The following PRMT8 variants were observed in gnomAD, a reference collection of about 807,000 sequenced individuals.
PRMT8 encodes protein arginine methyltransferase 8.
A neutral mutation model predicts 47.1 loss-of-function variants in PRMT8; 7 were observed. The observed-to-expected ratio is 0.15, with a 90% CI of 0.08 to 0.28. The LOEUF (loss-of-function observed/expected upper bound fraction) is 0.28, where lower values mean the gene tolerates loss of function less well. Ranked by LOEUF, PRMT8 falls within the 10% of genes least tolerant of loss-of-function variation. The pLI is 1.00. For synonymous variants in PRMT8, 188 were observed against 186.5 expected, an observed-to-expected ratio of 1.01 and a Z score of -0.07; for missense variants, 237 against 505.4, an observed-to-expected ratio of 0.47 and a Z score of 5.09.
At chr12:3,548,584 ATCTACT>A (rs1211803648) in intron 2 of PRMT8, among the ~76,000 whole-genome samples, 1 of 151,806 alleles carries the variant, frequency 6.6e-6, no homozygotes, top group African/African-American at 2.4e-5. Flanking sequence ...GAAAAAAAAG[ATCTACT>A]TCAGTAACCA....
rs563044695 is a variant in PRMT8, at chr12:3,423,377, G to A, written c.48+41935G>A. Among the ~76,000 whole-genome samples the A allele has an allele frequency of 1.1e-4, 16 of 152,342 alleles. No individual in the cohort carries two copies. In the East Asian group the frequency reaches 1.7e-3, roughly 17 times the overall value. ...TTAGTGATTATTTCTAAGACAGCTT[G>A]TAACCGTATGATTTGGTTGAGCATG... On this transcript the variant is annotated intron_variant, in intron 1 of 9. Transcript: ENST00000452611.
intron 1 of PRMT8, among the ~76,000 whole-genome samples, chr12:3,440,171 C>A (rs1158713200): frequency 2.0e-5 from 3 of 152,148 alleles, no homozygotes; most frequent in East Asian, 3.9e-4. Context: ...TTTTAAAAAA[C>A]CTATCTAGGC....
At chr12:3,421,907 C>T (rs150569188) in intron 1 of PRMT8, among the ~76,000 whole-genome samples, 1 of 152,368 alleles carries the variant, frequency 6.6e-6, no homozygotes, top group Non-Finnish European at 1.5e-5. Flanking sequence ...TGCAGGGAAA[C>T]TCACCACTGC....
Position 3,453,343 on chromosome 12 carries a change from C to T in PRMT8, c.48+71901C>T, listed in dbSNP as rs1864940866. Among the ~76,000 whole-genome samples the T allele has an allele frequency of 6.6e-6, 1 of 152,172 alleles. No homozygotes were observed. Among genetic ancestry groups the T allele is most frequent in the South Asian group, 2.1e-4 (1 of 4,828 alleles). ...CCTCGGGCCCCAGTGTTGAGTCTGG[C>T]AGCAGATCCCCAAGGGGTAGAGTTT... On this transcript the variant is annotated intron_variant, in intron 1 of 9. Transcript: ENST00000452611. The surrounding 1 kb of genome is among the most constrained non-coding windows in gnomAD (Gnocchi z 4.9).
chr12:3,435,855 C>T (rs913279291), intron 1 of PRMT8, among the ~76,000 whole-genome samples: 7 of 152,142 alleles, frequency 4.6e-5, no homozygotes, highest in Non-Finnish European at 7.4e-5. Flanking sequence ...TTCTCTGAAC[C>T]GCTCAGGCTT....
At chr12:3,549,264 A>G (rs1006105231) in intron 2 of PRMT8, among the ~76,000 whole-genome samples, 1 of 152,160 alleles carries the variant, frequency 6.6e-6, no homozygotes, top group African/African-American at 2.4e-5. Context: ...TTTTTGTTGC[A>G]TGCAAATTAT....
rs369927260 is a variant in PRMT8, at chr12:3,575,950, C to T, written c.713-921C>T. Among the ~76,000 whole-genome samples, 36 of 152,246 alleles carry T rather than the reference C, an allele frequency of 2.4e-4. 1 individual carries two copies. The East Asian group carries it at 4.8e-3, about 20-fold the overall frequency. The stretch of plus-strand genomic sequence containing the variant: ...AGGAAAACCACTTGAGCCCAGGAGG[C>T]GGAGGTTGCAGTGAGCCCAGATTAG... On this transcript the variant is annotated intron_variant, in intron 6 of 9. Coordinates refer to ENST00000382622, the MANE Select transcript of PRMT8 (RefSeq NM_019854.5).
chr12:3,496,965 A>G (rs1865520373), intron 1 of PRMT8, among the ~76,000 whole-genome samples: 1 of 149,538 alleles, frequency 6.7e-6, no homozygotes, highest in Non-Finnish European at 1.5e-5. Flanking sequence ...AGAGTCCTAA[A>G]TTGGCTTTTG....
At chr12:3,485,581 C>T (rs1865315274) in intron 1 of PRMT8, among the ~76,000 whole-genome samples, 1 of 152,092 alleles carries the variant, frequency 6.6e-6, no homozygotes, top group Admixed American at 6.5e-5. Context: ...ATGGTTTATC[C>T]ATACAGTGAG....
In PRMT8 at chr12:3,593,305, T is replaced by G. The variant is rs1867352994; in HGVS notation, c.*123T>G. 1.3e-6 allele frequency: 1 copy of G among 797,826 alleles called. No individual in the cohort carries two copies. Among genetic ancestry groups the G allele is most frequent in the Non-Finnish European group, 2.0e-6 (1 of 502,910 alleles). 49.4% of individuals were successfully genotyped at this position (797,826 alleles called of 1,614,324 possible). A position where few individuals can be genotyped will look rare whatever the true frequency, so the allele number is the denominator to read the frequency against. On this transcript the variant is annotated 3_prime_UTR_variant, in exon 10 of 10. Transcript: ENST00000382622. The surrounding 1 kb of genome is among the most constrained non-coding windows in gnomAD (Gnocchi z 4.8). ...AAAACCAGAGTTTTCAACTCTGCCT[T>G]GAAGATTGGTGAACTCCCCAGGGCT...
At chr12:3,422,923 A>G (rs1178429264) in intron 1 of PRMT8, among the ~76,000 whole-genome samples, 1 of 152,222 alleles carries the variant, frequency 6.6e-6, no homozygotes, top group Non-Finnish European at 1.5e-5. Context: ...AAGACAGATC[A>G]ATAGTGATTC....
rs1412404902 is a variant in PRMT8 at position 3,583,740 on chromosome 12, C to A, written c.979+532C>A. 1.3e-5 allele frequency among the ~76,000 whole-genome samples: 2 copies of A among 152,212 alleles called. No individual in the cohort carries two copies. Among genetic ancestry groups the A allele is most frequent in the African/African-American group, 4.8e-5 (2 of 41,446 alleles). ...TACTCCCACTCCCAAATCCCAGCCCCGCTTACGAGGTGCCTCGCTGCCTGC... is the reference window on the plus strand; with the variant it reads ...TACTCCCACTCCCAAATCCCAGCCCAGCTTACGAGGTGCCTCGCTGCCTGC... On this transcript the variant is annotated intron_variant, in intron 8 of 9. Coordinates refer to ENST00000382622, the MANE Select transcript of PRMT8 (RefSeq NM_019854.5). This position sits in a 1 kb window ranked among gnomAD's most constrained non-coding sequence, Gnocchi z 4.7.
intron 1 of PRMT8, among the ~76,000 whole-genome samples, chr12:3,515,526 TAAAA>T (rs542551252): frequency 6.6e-6 from 1 of 151,190 alleles, no homozygotes; most frequent in East Asian, 1.9e-4. Flanking sequence ...AATAATAAAA[TAAAA>T]AAAAAGAAAT....
intron 1 of PRMT8, among the ~76,000 whole-genome samples, chr12:3,510,761 C>T (rs759942053): frequency 3.9e-5 from 6 of 152,130 alleles, no homozygotes; most frequent in Admixed American, 3.3e-4. Context: ...TTTGCCTCAG[C>T]GGCAGAAATC....
intron 1 of PRMT8, among the ~76,000 whole-genome samples, chr12:3,417,436 G>A (rs1336993589): frequency 1.3e-5 from 2 of 152,218 alleles, no homozygotes; most frequent in Non-Finnish European, 2.9e-5. Context: ...GCAGAGGAGC[G>A]TCCAGCTCTC....
At chr12:3,444,785 G>T (rs1864839325) in intron 1 of PRMT8, among the ~76,000 whole-genome samples, 1 of 152,238 alleles carries the variant, frequency 6.6e-6, no homozygotes. Context: ...TGGCAAGAGT[G>T]GAAGGGACGA....
intron 1 of PRMT8, chr12:3,462,632 G>A (rs1244249765): frequency 6.6e-6 from 1 of 151,976 alleles, no homozygotes; most frequent in Non-Finnish European, 1.5e-5. Context: ...TCAGATGAAA[G>A]CTCTTTACTT....
intron 1 of PRMT8, among the ~76,000 whole-genome samples, chr12:3,404,067 C>T (rs1224799262): frequency 6.6e-6 from 1 of 152,046 alleles, no homozygotes; most frequent in Non-Finnish European, 1.5e-5. Context: ...CAAATGTTGA[C>T]ATTTTGTCAT....
rs147898078 is a variant in PRMT8, at chr12:3,453,677, C to T, written c.48+72235C>T. 8.9e-3 allele frequency among the ~76,000 whole-genome samples: 1,355 copies of T among 152,292 alleles called. 14 individuals are homozygous for T. The highest frequency in any genetic ancestry group is 0.03 in the African/African-American group (1,258 of 41,556). Reference sequence around the variant, plus strand: ...TTGCCCTTCACAGCCAGGGCAAATGCTGGGGCGCAGCCATGCTGGCTGTCT... The same window carrying T: ...TTGCCCTTCACAGCCAGGGCAAATGTTGGGGCGCAGCCATGCTGGCTGTCT... On this transcript the variant is annotated intron_variant, in intron 1 of 9. Coordinates refer to the PRMT8 transcript ENST00000452611. This position sits in a 1 kb window ranked among gnomAD's most constrained non-coding sequence, Gnocchi z 4.9.
Sources: allele counts gnomAD v4.1 joint callset (sites outside exome capture counted in the v4.1 genomes callset), GRCh38; gene constraint gnomAD v4.1.1; non-coding constraint Gnocchi (gnomAD v3.1); transcripts MANE v1.5; gene names NCBI Gene and HGNC (gene_info 2026-07-23, HGNC 2026-07-21).